EPS15L1: variants seen among roughly 807,000 people sequenced by gnomAD.
The protein encoded by EPS15L1 is epidermal growth factor receptor substrate 15-like 1.
Under a neutral mutation model 117.1 loss-of-function variants are expected in EPS15L1, and 43 were observed. That is an observed-to-expected ratio of 0.37 (90% CI 0.29 to 0.47). The LOEUF (loss-of-function observed/expected upper bound fraction) is 0.47. Ranked by LOEUF, EPS15L1 falls within the 20% of genes least tolerant of loss-of-function variation. The pLI is 0.99. For synonymous variants in EPS15L1, 459 were observed against 470.5 expected (o/e 0.98, Z 0.32); for missense variants, 981 against 1,164.0 (o/e 0.84, Z 2.29).
In EPS15L1 at chr19:16,418,341, C is replaced by G. The variant is rs563795197; in HGVS notation, c.951-237G>C. Among the ~76,000 whole-genome samples the G allele has an allele frequency of 2.0e-5, 3 of 152,314 alleles. No individual in the cohort carries two copies. The East Asian group carries it at 5.8e-4, about 29-fold the overall frequency. On this transcript the variant is annotated intron_variant, in intron 10 of 23. Coordinates refer to ENST00000455140, the MANE Select transcript of EPS15L1 (RefSeq NM_001258374.3). Reference sequence around the variant, plus strand: ...GTCAGGGCTGAAGAACCCCAAGCCCCTGACCTGGGCTGAGGAGCCGACCCC... The same window carrying G: ...GTCAGGGCTGAAGAACCCCAAGCCCGTGACCTGGGCTGAGGAGCCGACCCC...
intron 18 of EPS15L1, among the ~76,000 whole-genome samples, chr19:16,393,604 G>A (rs1239606211): frequency 6.7e-6 from 1 of 148,496 alleles, no homozygotes; most frequent in South Asian, 2.1e-4. Flanking sequence ...AGCCGAGATC[G>A]CGCCACTGCA....
chr19:16,420,124 C>G (rs558619359), intron 10 of EPS15L1, among the ~76,000 whole-genome samples: 5 of 152,238 alleles, frequency 3.3e-5, no homozygotes, highest in African/African-American at 4.8e-5. Context: ...CCCAGCCACT[C>G]GCAGACACAT....
At chr19:16,425,362 C>G (rs60751956) in intron 8 of EPS15L1, 46 bp from the exon 9 acceptor site, 1 of 1,388,780 alleles carries the variant, frequency 7.2e-7, no homozygotes, top group Non-Finnish European at 1.0e-6. Flanking sequence ...AGGCTGGGGC[C>G]GGGACCATCA....
chr19:16,464,902 AC>A (rs750536632), intron 1 of EPS15L1, among the ~76,000 whole-genome samples: 93 of 152,154 alleles, frequency 6.1e-4, no homozygotes, highest in Non-Finnish European at 1.0e-3. Flanking sequence ...AACCAGTGAA[AC>A]CCCGTCTCTA....
At position 16,377,136 on chromosome 19, in the gene EPS15L1, G is replaced by C; in HGVS notation, c.2366C>G (p.Pro789Arg). Residue 789 changes from proline (P) to arginine (R), a missense_variant, in exon 22 of 24, where the codon CCT becomes CGT. By Grantham distance (103) the Pro-to-Arg change is moderately radical. This residue lies in a region of EPS15L1 where 819 missense variants were observed against 949.0 expected (regional missense o/e 0.86). Transcript: ENST00000455140. ...AGCTTACTGACCGCTGGGCGGTTTA[G>C]GCCGTGGAGGAGCAGGTTTCTTCGG... ...LPPKKPAPPR[P>R]KPPSGKSTPV... 1.2e-6 allele frequency: 2 copies of C among 1,607,164 alleles called. No homozygotes were observed. The highest frequency in any genetic ancestry group is 4.5e-5 in the East Asian group (2 of 44,264).
chr19:16,389,996 T>C (rs2092460031), intron 19 of EPS15L1, among the ~76,000 whole-genome samples: 1 of 151,374 alleles, frequency 6.6e-6, no homozygotes, highest in South Asian at 2.1e-4. Context: ...AGCAAGCAAA[T>C]AATAAAATAG....
chr19:16,401,433 G>A (rs2092600505), intron 16 of EPS15L1: 1 of 985,524 alleles, frequency 1.0e-6, no homozygotes, highest in Non-Finnish European at 1.2e-6. Context: ...AGGCCCAGGA[G>A]CAGAAGGGCT....
intron 1 of EPS15L1, among the ~76,000 whole-genome samples, chr19:16,465,128 T>C (rs1484837756): frequency 6.6e-6 from 1 of 151,158 alleles, no homozygotes; most frequent in Non-Finnish European, 1.5e-5. Context: ...TTTAGGAAAG[T>C]TTACAAATTT....
In EPS15L1 at chr19:16,471,908, C is replaced by G. The variant is rs746964476; in HGVS notation, c.33+5G>C. 6.9e-6 allele frequency: 9 copies of G among 1,304,484 alleles called. 1 individual carries two copies. In the South Asian group the frequency reaches 1.1e-4, roughly 16 times the overall value. The allele number at this position is 1,304,484 out of a possible 1,614,324, so 80.8% of individuals were successfully genotyped here. ...GCGCCGCCCCCAGGCCCGCCCGGCC[C>G]GTACCTGCTGGGAGAGGGGGATGAG... On this transcript the variant is annotated splice_donor_5th_base_variant and intron_variant, in intron 1 of 23. Transcript: ENST00000455140. The surrounding 1 kb of genome is among the most constrained non-coding windows in gnomAD (Gnocchi z 4.8).
chr19:16,411,712 A>G (rs1470994098), intron 13 of EPS15L1, among the ~76,000 whole-genome samples: 2 of 152,090 alleles, frequency 1.3e-5, no homozygotes, highest in Non-Finnish European at 2.9e-5. Flanking sequence ...TTATTCATTT[A>G]TTTTTGAGGC....
intron 1 of EPS15L1, among the ~76,000 whole-genome samples, chr19:16,443,998 A>G (rs2093057401): frequency 6.9e-6 from 1 of 145,978 alleles, no homozygotes; most frequent in South Asian, 2.3e-4. Flanking sequence ...CGGGAGGCAG[A>G]GATTGCAGTG....
intron 13 of EPS15L1, among the ~76,000 whole-genome samples, chr19:16,410,507 T>C (rs535660380): frequency 2.0e-5 from 3 of 152,252 alleles, no homozygotes; most frequent in Admixed American, 2.0e-4. Context: ...AGGTATACAC[T>C]TGAGATAAAG....
At chr19:16,442,784 G>C (rs765322622) in intron 1 of EPS15L1, among the ~76,000 whole-genome samples, 6 of 152,230 alleles carry the variant, frequency 3.9e-5, no homozygotes, top group Non-Finnish European at 5.9e-5. Context: ...ACCAGGGAAG[G>C]AAGGAAGTGC....
Position 16,404,046 on chromosome 19 carries a change from C to A in EPS15L1, c.1429-116G>T. 1 of 951,048 alleles carries A rather than the reference C, an allele frequency of 1.1e-6. No individual in the cohort carries two copies. The highest frequency in any genetic ancestry group is 1.6e-5 in the African/African-American group (1 of 61,034). The allele number at this position is 951,048 out of a possible 1,614,324, so 58.9% of individuals were successfully genotyped here. A position where few individuals can be genotyped will look rare whatever the true frequency, so the allele number is the denominator to read the frequency against. On this transcript the variant is annotated intron_variant, in intron 14 of 23. Coordinates refer to ENST00000455140, the MANE Select transcript of EPS15L1 (RefSeq NM_001258374.3). The surrounding 1 kb of genome is among the most constrained non-coding windows in gnomAD (Gnocchi z 4.2). ...ACAAGCTAAGCCAGGGACGCAGACA[C>A]CTAACCCAGGCCCGACACCTGGCTT...
chr19:16,419,712 G>A (rs1396284337), intron 10 of EPS15L1, among the ~76,000 whole-genome samples: 2 of 152,234 alleles, frequency 1.3e-5, no homozygotes, highest in African/African-American at 2.4e-5. Context: ...GAACAGAGCT[G>A]CGGAGAATGA....
At chr19:16,385,356 G>A (rs993109585) in intron 20 of EPS15L1, 145 bp from the exon 21 acceptor site, 2 of 688,676 alleles carry the variant, frequency 2.9e-6, no homozygotes, top group East Asian at 2.6e-5. Flanking sequence ...CTGCATGAAG[G>A]CCTCTCAGCA....
chr19:16,377,276 A>G (rs755581228), intron 21 of EPS15L1, 22 bp from the exon 22 acceptor site: 1 of 1,608,150 alleles, frequency 6.2e-7, no homozygotes, highest in Admixed American at 1.7e-5. Flanking sequence ...GACATGAAAG[A>G]GAGGCAAAAA....
chr19:16,417,889 T>G, intron 11 of EPS15L1, 59 bp downstream of exon 11: 1 of 1,565,570 alleles, frequency 6.4e-7, no homozygotes, highest in South Asian at 1.2e-5. Flanking sequence ...CAGTGCCACC[T>G]GGTGGCAGGC....
intron 17 of EPS15L1, among the ~76,000 whole-genome samples, chr19:16,394,513 A>G (rs934409430): frequency 6.6e-6 from 1 of 151,946 alleles, no homozygotes; most frequent in Non-Finnish European, 1.5e-5. Context: ...CCCTCTCCCC[A>G]CCTCAGTGTT....
Sources: allele counts gnomAD v4.1 joint callset (sites outside exome capture counted in the v4.1 genomes callset), GRCh38; gene constraint gnomAD v4.1.1; regional missense constraint gnomAD v4.1.1; non-coding constraint Gnocchi (gnomAD v3.1); transcripts MANE v1.5; gene names NCBI Gene and HGNC (gene_info 2026-07-23, HGNC 2026-07-21).